KCNQ5: variants seen among roughly 807,000 people sequenced by gnomAD.
The protein encoded by KCNQ5 is potassium voltage-gated channel subfamily Q member 5.
A neutral mutation model predicts 98.2 loss-of-function variants in KCNQ5; 30 were observed. That is an observed-to-expected ratio of 0.31 (90% CI 0.23 to 0.41). KCNQ5 has a LOEUF of 0.41. KCNQ5 is among the 10% of genes least tolerant of loss of function. The pLI is 1.00. For missense variants in KCNQ5, 835 were observed against 1,182.5 expected (o/e 0.71, Z 4.31); for synonymous variants, 458 against 449.4 (o/e 1.02, Z -0.24).
intron 1 of KCNQ5, among the ~76,000 whole-genome samples, chr6:72,638,925 G>A (rs2098925690): frequency 6.6e-6 from 1 of 152,138 alleles, no homozygotes; most frequent in Non-Finnish European, 1.5e-5. Context: ...GGAGTTCTTA[G>A]CTCTCCATTG....
chr6:73,117,180 G>T (rs997796535), intron 7 of KCNQ5, among the ~76,000 whole-genome samples: 1 of 152,154 alleles, frequency 6.6e-6, no homozygotes, highest in African/African-American at 2.4e-5. Flanking sequence ...TGTGATTTTG[G>T]CTTTAAATAT....
At chr6:72,928,034 A>C (rs1023721949) in intron 1 of KCNQ5, among the ~76,000 whole-genome samples, 14 of 152,098 alleles carry the variant, frequency 9.2e-5, no homozygotes, top group African/African-American at 3.1e-4. Context: ...TAGAAAAATT[A>C]CATGCTAAGA....
intron 11 of KCNQ5, among the ~76,000 whole-genome samples, chr6:73,179,880 TG>T (rs1367534207): frequency 1.1e-4 from 17 of 152,224 alleles, no homozygotes; most frequent in Non-Finnish European, 1.5e-5. Context: ...TCTGCCTACT[TG>T]TCTGTCTGCC....
At chr6:73,057,060 A>G (rs998822808) in intron 3 of KCNQ5, among the ~76,000 whole-genome samples, 10 of 152,210 alleles carry the variant, frequency 6.6e-5, no homozygotes, top group African/African-American at 2.4e-4. Context: ...TCACAATAGC[A>G]AAGACTTAGA....
intron 1 of KCNQ5, among the ~76,000 whole-genome samples, chr6:72,934,500 C>T (rs1169363772): frequency 6.6e-6 from 1 of 152,036 alleles, no homozygotes; most frequent in Non-Finnish European, 1.5e-5. Flanking sequence ...CACGGTCACA[C>T]AATTAGTAAA....
chr6:72,639,757 A>G lies in KCNQ5; in HGVS notation c.398+17170A>G, dbSNP rs540195638. Among the ~76,000 whole-genome samples the G allele has an allele frequency of 6.6e-5, 10 of 152,272 alleles. No individual in the cohort carries two copies. The East Asian group carries it at 1.9e-3, about 29-fold the overall frequency. On this transcript the variant is annotated intron_variant, in intron 1 of 13. Coordinates refer to ENST00000370398, the MANE Select transcript of KCNQ5 (RefSeq NM_019842.4). The stretch of plus-strand genomic sequence containing the variant: ...ACAGATTAGGGTGCATAATTGATAA[A>G]TAAATGGGTAAAGAGAGAGGGAGAA...
intron 7 of KCNQ5, among the ~76,000 whole-genome samples, chr6:73,114,714 A>C (rs1775411417): frequency 6.6e-6 from 1 of 152,192 alleles, no homozygotes; most frequent in Admixed American, 6.5e-5. Flanking sequence ...CTGAATCTGA[A>C]TCCATTACCC....
At chr6:72,842,790 A>G (rs745418261) in intron 1 of KCNQ5, among the ~76,000 whole-genome samples, 1 of 152,058 alleles carries the variant, frequency 6.6e-6, no homozygotes, top group Non-Finnish European at 1.5e-5. Flanking sequence ...TCTTCTTTTG[A>G]GAAGTGTCTG....
At chr6:72,935,064 CTTT>C (rs59215198) in intron 1 of KCNQ5, among the ~76,000 whole-genome samples, 55 of 99,222 alleles carry the variant, frequency 5.5e-4, no homozygotes, top group African/African-American at 2.0e-3. Context: ...CTTGTTCTAT[CTTT>C]TTTTTTTTTT....
intron 10 of KCNQ5, among the ~76,000 whole-genome samples, chr6:73,146,439 A>G (rs546520327): frequency 5.9e-5 from 9 of 152,242 alleles, no homozygotes; most frequent in African/African-American, 1.9e-4. Context: ...AGCCTAGGCA[A>G]CATGGCAAAA....
At position 73,049,935 on chromosome 6, in the gene KCNQ5, C is replaced by T. The variant is rs530070809; in HGVS notation, c.616+7873C>T. On this transcript the variant is annotated intron_variant, in intron 3 of 13. Transcript: ENST00000370398. Reference sequence around the variant, plus strand: ...CAGTGGCTCATGCCTGTAATCCCAGCACTTTAAAGGGAGAGCAAGGTAGGA... The same window carrying T: ...CAGTGGCTCATGCCTGTAATCCCAGTACTTTAAAGGGAGAGCAAGGTAGGA... 3.3e-5 allele frequency among the ~76,000 whole-genome samples: 5 copies of T among 152,132 alleles called. No individual in the cohort carries two copies. In the South Asian group the frequency reaches 1.0e-3, roughly 32 times the overall value.
chr6:72,741,430 C>T (rs768131411), intron 1 of KCNQ5, among the ~76,000 whole-genome samples: 25 of 152,106 alleles, frequency 1.6e-4, no homozygotes, highest in Admixed American at 5.2e-4. Flanking sequence ...GTAGGGGTCC[C>T]AATGTCTCGT....
chr6:73,030,915 C>T (rs1391606161), intron 2 of KCNQ5, among the ~76,000 whole-genome samples: 12 of 152,162 alleles, frequency 7.9e-5, no homozygotes, highest in Admixed American at 1.3e-4. Flanking sequence ...TTGAGCTTTT[C>T]GGGGTTCTAC....
chr6:73,139,124 A>G (rs186316322), intron 10 of KCNQ5, among the ~76,000 whole-genome samples: 33 of 152,384 alleles, frequency 2.2e-4, no homozygotes, highest in African/African-American at 7.7e-4. Flanking sequence ...AAATGGCTAC[A>G]GCAGTTGCAA....
At chr6:72,900,902 G>A (rs1285041237) in intron 1 of KCNQ5, among the ~76,000 whole-genome samples, 2 of 151,964 alleles carry the variant, frequency 1.3e-5, no homozygotes, top group Non-Finnish European at 2.9e-5. Context: ...GATTATTAGC[G>A]ATTTTGAGCA....
chr6:72,677,899 G>A (rs903762529), intron 1 of KCNQ5, among the ~76,000 whole-genome samples: 3 of 152,198 alleles, frequency 2.0e-5, no homozygotes, highest in African/African-American at 7.2e-5. Context: ...TGGGGGTGCG[G>A]TGGCTAGTAA....
chr6:72,718,525 A>G (rs569916585), intron 1 of KCNQ5, among the ~76,000 whole-genome samples: 1 of 128,898 alleles, frequency 7.8e-6, no homozygotes, highest in African/African-American at 3.0e-5. Flanking sequence ...ATCTCCACTT[A>G]CTGCAACCTC....
intron 1 of KCNQ5, among the ~76,000 whole-genome samples, chr6:72,693,054 T>C (rs1054104900): frequency 4.6e-5 from 7 of 152,196 alleles, no homozygotes; most frequent in Non-Finnish European, 8.8e-5. Context: ...AGAGAATGGA[T>C]TGGGCTTAAG....
At chr6:73,155,599 A>C (rs1387276463) in intron 10 of KCNQ5, among the ~76,000 whole-genome samples, 1 of 152,210 alleles carries the variant, frequency 6.6e-6, no homozygotes, top group Non-Finnish European at 1.5e-5. Flanking sequence ...TTCCCAAGGC[A>C]ACCAGAGATG....
Sources: gnomAD v4.1 joint callset for allele counts (sites outside exome capture counted in the v4.1 genomes callset) on GRCh38, gnomAD v4.1.1 for gene constraint, MANE v1.5 for transcripts, NCBI Gene and HGNC (gene_info 2026-07-23, HGNC 2026-07-21) for gene names.